SNX16: variants seen among roughly 807,000 people sequenced by gnomAD.
SNX16 encodes sorting nexin 16, also known as sorting nexin-16.
A neutral mutation model predicts 36.7 loss-of-function variants in SNX16; 35 were observed. The observed-to-expected ratio is 0.95, with a 90% confidence interval of 0.73 to 1.27. The LOEUF (loss-of-function observed/expected upper bound fraction) is 1.27. Among genes scored for constraint, SNX16 ranks in the 50% most tolerant of loss-of-function variants. The pLI is 0.00. For synonymous variants in SNX16, 134 were observed against 132.0 expected (o/e 1.02, Z -0.10); for missense variants, 367 against 393.6 (o/e 0.93, Z 0.57).
chr8:81,825,081 C>T lies in SNX16; in HGVS notation c.463-1141G>A, dbSNP rs750268624. ...TCCAAGAAAGCAAGCCAGAATGAAACTGTGCACTTCTTGTAATCTAGGCTT... is the reference window on the plus strand; with the variant it reads ...TCCAAGAAAGCAAGCCAGAATGAAATTGTGCACTTCTTGTAATCTAGGCTT... On this transcript the variant is annotated intron_variant, in intron 3 of 7. Transcript: ENST00000345957. 2.0e-4 allele frequency among the ~76,000 whole-genome samples: 31 copies of T among 152,268 alleles called. 1 individual carries two copies. Among genetic ancestry groups the T allele is most frequent in the South Asian group, 6.2e-4 (3 of 4,830 alleles).
At chr8:81,819,338 G>C (rs909272659) in intron 4 of SNX16, among the ~76,000 whole-genome samples, 4 of 152,102 alleles carry the variant, frequency 2.6e-5, no homozygotes, top group Non-Finnish European at 5.9e-5. Context: ...TGCAATGTAA[G>C]ACTATATTCA....
intron 1 of SNX16, among the ~76,000 whole-genome samples, chr8:81,841,204 G>A (rs1811750534): frequency 1.3e-5 from 2 of 152,214 alleles, no homozygotes; most frequent in East Asian, 1.9e-4. Flanking sequence ...AGCCGGGCAT[G>A]GTGGCGCAGG....
intron 5 of SNX16, among the ~76,000 whole-genome samples, chr8:81,809,258 G>T (rs1452258080): frequency 1.3e-5 from 2 of 152,018 alleles, no homozygotes; most frequent in African/African-American, 4.8e-5. Flanking sequence ...GTGACCTGAA[G>T]TTCACCATTA....
chr8:81,805,501 G>A (rs945708855), intron 5 of SNX16, among the ~76,000 whole-genome samples: 1 of 152,132 alleles, frequency 6.6e-6, no homozygotes, highest in Non-Finnish European at 1.5e-5. Context: ...GCAAAAAGTG[G>A]TTCTTTGAGA....
chr8:81,815,395 C>T lies in SNX16; in HGVS notation c.612-1G>A. 6.2e-7 allele frequency: 1 copy of T among 1,608,728 alleles called. No homozygotes were observed. Among genetic ancestry groups the T allele is most frequent in the Non-Finnish European group, 8.5e-7 (1 of 1,177,636 alleles). On this transcript the variant is annotated splice_acceptor_variant, in intron 4 of 7. Coordinates refer to ENST00000345957, the MANE Select transcript of SNX16 (RefSeq NM_152836.3). LOFTEE classifies it high-confidence loss of function. ...ACAAAGAAATTCTCTCACTGCAAGG[C>T]TTTTCAAAGGAAAAAAAAAATGATC...
chr8:81,835,475 A>C (rs1294326980), intron 2 of SNX16, among the ~76,000 whole-genome samples: 1 of 152,176 alleles, frequency 6.6e-6, no homozygotes, highest in East Asian at 1.9e-4. Flanking sequence ...TCAGGCTGCA[A>C]ATTTTCCAAA....
chr8:81,802,326 C>A, intron 7 of SNX16, 54 bp downstream of exon 7: 1 of 1,462,912 alleles, frequency 6.8e-7, no homozygotes, highest in South Asian at 1.3e-5. Context: ...GTATTAGAAT[C>A]ACTTTCCTCC....
intron 2 of SNX16, among the ~76,000 whole-genome samples, chr8:81,836,110 G>A (rs1811481659): frequency 6.6e-6 from 1 of 152,158 alleles, no homozygotes; most frequent in Non-Finnish European, 1.5e-5. Flanking sequence ...CAGTGAGCAA[G>A]AAATGAAACA....
chr8:81,832,845 G>A (rs1011223353), intron 2 of SNX16, among the ~76,000 whole-genome samples: 11 of 148,828 alleles, frequency 7.4e-5, no homozygotes, highest in African/African-American at 2.5e-4. Flanking sequence ...AGGCACATAC[G>A]AGATACTCAA....
In SNX16 at chr8:81,839,693, C is replaced by CGG; in HGVS notation, c.292_293dup (p.Glu99ArgfsTer4). ...GTCTATCTTCCCAATTCACTGTTTC[C>CGG]GGATTTTGTTCTTCAGTGTCTCTTG... On this transcript the variant is annotated frameshift_variant, in exon 2 of 8. Coordinates refer to ENST00000345957, the MANE Select transcript of SNX16 (RefSeq NM_152836.3). LOFTEE classifies it high-confidence loss of function. 1 of 1,612,852 alleles carries CGG rather than the reference C, an allele frequency of 6.2e-7. No individual in the cohort carries two copies.
chr8:81,841,382 C>T (rs533205814), intron 1 of SNX16, among the ~76,000 whole-genome samples: 1 of 151,650 alleles, frequency 6.6e-6, no homozygotes, highest in South Asian at 2.1e-4. Flanking sequence ...AAGTGGCTCT[C>T]GGCAACATTT....
Position 81,815,208 on chromosome 8 carries a change from C to T in SNX16, c.681+117G>A, listed in dbSNP as rs765063703. On this transcript the variant is annotated intron_variant, in intron 5 of 7. Transcript: ENST00000345957. Reference sequence around the variant, plus strand: ...AAACATGAAAGCTTTCTGTGCAAAACTACCATAGCCTGAAATTATAATATT... The same window carrying T: ...AAACATGAAAGCTTTCTGTGCAAAATTACCATAGCCTGAAATTATAATATT... 160 of 711,320 alleles carry T rather than the reference C, an allele frequency of 2.2e-4. No homozygotes were observed. Among genetic ancestry groups the T allele is most frequent in the Non-Finnish European group, 3.2e-4 (152 of 472,352 alleles). The allele number at this position is 711,320 out of a possible 1,614,324, so 44.1% of individuals were successfully genotyped here. A position where few individuals can be genotyped will look rare whatever the true frequency, so the allele number is the denominator to read the frequency against.
chr8:81,815,319 A>G lies in SNX16; in HGVS notation c.681+6T>C, dbSNP rs1352944414. On this transcript the variant is annotated splice_donor_region_variant and intron_variant, in intron 5 of 7. Transcript: ENST00000345957. ...CTTTTCATGTGCTATATAATACAGC[A>G]CTTACCCTGCTTTCTTCTAGGCTAT... 3.1e-6 allele frequency: 5 copies of G among 1,609,230 alleles called. No homozygotes were observed. In the African/African-American group the frequency reaches 6.7e-5, roughly 22 times the overall value.
intron 2 of SNX16, among the ~76,000 whole-genome samples, chr8:81,830,854 G>A (rs1279238112): frequency 6.6e-6 from 1 of 152,148 alleles, no homozygotes; most frequent in East Asian, 1.9e-4. Flanking sequence ...CACACTACCT[G>A]ACTTCAAATT....
chr8:81,813,142 G>A (rs1810338009), intron 5 of SNX16, among the ~76,000 whole-genome samples: 1 of 152,038 alleles, frequency 6.6e-6, no homozygotes, highest in South Asian at 2.1e-4. Context: ...CTATGTAGAA[G>A]GGATGGATCT....
intron 5 of SNX16, among the ~76,000 whole-genome samples, chr8:81,807,027 A>T (rs1809985134): frequency 6.6e-6 from 1 of 152,200 alleles, no homozygotes; most frequent in African/African-American, 2.4e-5. Context: ...CAAAATTAAT[A>T]AATAAATGTA....
rs775376195 is a variant in SNX16 at position 81,801,619 on chromosome 8, A to C, written c.939-26T>G. 4 of 1,328,904 alleles carry C rather than the reference A, an allele frequency of 3.0e-6. No individual in the cohort carries two copies. In the African/African-American group the frequency reaches 5.9e-5, roughly 20 times the overall value. The allele number at this position is 1,328,904 out of a possible 1,614,324, so 82.3% of individuals were successfully genotyped here. On this transcript the variant is annotated intron_variant, in intron 7 of 7. Transcript: ENST00000345957. ...CTGCAAAAAAAAAAAAAAAAGGAAC[A>C]TATCAATGATGGGACTGGATGCATG...
chr8:81,822,686 AGAT>A (rs1269865998), intron 4 of SNX16, among the ~76,000 whole-genome samples: 1 of 152,004 alleles, frequency 6.6e-6, no homozygotes, highest in Non-Finnish European at 1.5e-5. Context: ...GGTTCTGGGT[AGAT>A]GATGCTGCTA....
At chr8:81,839,559 A>C (rs200833622) in intron 2 of SNX16, 53 bp downstream of exon 2, 37 of 1,490,950 alleles carry the variant, frequency 2.5e-5, no homozygotes, top group Non-Finnish European at 3.3e-5. Flanking sequence ...TTGAACACAG[A>C]GATTAGCCAA....
Sources: allele counts gnomAD v4.1 joint callset (sites outside exome capture counted in the v4.1 genomes callset), GRCh38; gene constraint gnomAD v4.1.1; transcripts MANE v1.5; gene names NCBI Gene and HGNC (gene_info 2026-07-23, HGNC 2026-07-21).